The following SLC23A2 variants were observed in gnomAD, a reference collection of about 807,000 sequenced individuals.
The protein encoded by SLC23A2 is solute carrier family 23 member 2, also known as Na(+)/L-ascorbic acid transporter 2.
SLC23A2 carries 36 observed loss-of-function variants against 73.3 expected under a neutral mutation model. The observed-to-expected ratio is 0.49, with a 90% confidence interval of 0.38 to 0.65. The LOEUF is 0.65. SLC23A2 is among the 30% of genes least tolerant of loss of function. The probability of loss-of-function intolerance (pLI) is 0.00; values close to 1 mark genes in which losing one functional copy is unlikely to be tolerated. For missense variants in SLC23A2, 507 were observed against 841.6 expected, an observed-to-expected ratio of 0.60 and a Z score of 4.92; for synonymous variants, 343 against 327.3, an observed-to-expected ratio of 1.05 and a Z score of -0.52.
intron 2 of SLC23A2, among the ~76,000 whole-genome samples, chr20:4,960,592 AGCGCAC>A (rs1451469951): frequency 2.0e-5 from 3 of 152,378 alleles, no homozygotes; most frequent in East Asian, 1.9e-4. Context: ...AGTAGGTTGT[AGCGCAC>A]GCGCACACGC....
chr20:4,901,253 C>T (rs1287308906), intron 5 of SLC23A2, among the ~76,000 whole-genome samples: 2 of 151,978 alleles, frequency 1.3e-5, no homozygotes, highest in Non-Finnish European at 2.9e-5. Flanking sequence ...GAGGGAAGGG[C>T]GGGGCAACTG....
At chr20:4,927,118 C>T (rs73064480) in intron 3 of SLC23A2, among the ~76,000 whole-genome samples, 2,759 of 152,064 alleles carry the variant, frequency 0.018, 38 homozygotes, top group Non-Finnish European at 0.025. Context: ...GATGGGCTAG[C>T]CACTAGCCAC....
chr20:4,913,128 A>T (rs748708821), intron 3 of SLC23A2, 150 bp from the exon 4 acceptor site: 5 of 622,716 alleles, frequency 8.0e-6, no homozygotes, highest in Non-Finnish European at 1.4e-5. Context: ...AGGCTGCCTT[A>T]GCAGAAGGCT....
intron 1 of SLC23A2, among the ~76,000 whole-genome samples, chr20:5,007,844 A>G (rs2088207493): frequency 6.6e-6 from 1 of 152,122 alleles, no homozygotes; most frequent in Non-Finnish European, 1.5e-5. Context: ...AGGTTCAACT[A>G]CATTGTAGTG....
At chr20:4,955,091 A>T (rs997919063) in intron 2 of SLC23A2, among the ~76,000 whole-genome samples, 4 of 152,000 alleles carry the variant, frequency 2.6e-5, no homozygotes, top group South Asian at 2.1e-4. Context: ...TAAAAAAAAA[A>T]TTATTTTTTT....
chr20:4,992,530 C>T (rs1415685958), intron 1 of SLC23A2, among the ~76,000 whole-genome samples: 3 of 101,554 alleles, frequency 3.0e-5, no homozygotes, highest in East Asian at 2.8e-4. Context: ...TTTTTGGAGA[C>T]GGAGTTTTTC....
Position 4,853,624 on chromosome 20 carries a change from G to A in SLC23A2, c.*3348C>T, listed in dbSNP as rs1929604692. On this transcript the variant is annotated 3_prime_UTR_variant, in exon 17 of 17. Transcript: ENST00000338244. ...TTATCCTGGGTAGAAATGTTATTTT[G>A]CTATATGGAAATACTGCAATATTCA... 1 of 152,522 alleles carries A rather than the reference G, an allele frequency of 6.6e-6. No individual in the cohort carries two copies. Among genetic ancestry groups the A allele is most frequent in the African/African-American group, 2.4e-5 (1 of 41,400 alleles). 9.4% of individuals were successfully genotyped at this position (152,522 alleles called of 1,614,324 possible). A position where few individuals can be genotyped will look rare whatever the true frequency, so the allele number is the denominator to read the frequency against.
At chr20:5,006,283 G>A (rs532891046), upstream of SLC23A2, among the ~76,000 whole-genome samples, 36 of 151,766 alleles carry the variant, frequency 2.4e-4, no homozygotes, top group Admixed American at 3.9e-4. Context: ...ATTTTTAGTA[G>A]AGACAGGGTT....
intron 1 of SLC23A2, among the ~76,000 whole-genome samples, chr20:4,975,531 C>T (rs1291430234): frequency 2.7e-5 from 4 of 150,912 alleles, no homozygotes; most frequent in Non-Finnish European, 5.9e-5. Flanking sequence ...CGTGCACGCA[C>T]CACCACGCCT....
At chr20:4,981,950 C>G (rs1021260525) in intron 1 of SLC23A2, among the ~76,000 whole-genome samples, 1 of 152,076 alleles carries the variant, frequency 6.6e-6, no homozygotes, top group African/African-American at 2.4e-5. Context: ...ATCTGCCCAC[C>G]TCGGCCTCCC....
rs755226625 is a variant in SLC23A2 at position 4,947,265 on chromosome 20, C to T, written c.-154-14549G>A. Among the ~76,000 whole-genome samples, 11 of 152,122 alleles carry T rather than the reference C, an allele frequency of 7.2e-5. No individual in the cohort carries two copies. Among genetic ancestry groups the T allele is most frequent in the Non-Finnish European group, 1.5e-4 (10 of 68,022 alleles). On this transcript the variant is annotated intron_variant, in intron 2 of 16. Transcript: ENST00000338244. The surrounding 1 kb of genome is among the most constrained non-coding windows in gnomAD (Gnocchi z 4.4). ...AAATCCCTGACTCGTTCAGGGAAAT[C>T]TTGTGGCTGGGACGTGAAAGGGGAA...
chr20:4,874,479 C>T, intron 10 of SLC23A2, 97 bp downstream of exon 10: 1 of 1,162,284 alleles, frequency 8.6e-7, no homozygotes, highest in Non-Finnish European at 1.2e-6. Flanking sequence ...GATATGATCC[C>T]CCAAGGAGGG....
At chr20:4,942,160 A>C (rs1377854848) in intron 2 of SLC23A2, among the ~76,000 whole-genome samples, 1 of 152,188 alleles carries the variant, frequency 6.6e-6, no homozygotes, top group East Asian at 1.9e-4. Flanking sequence ...TAATGCAAGC[A>C]AATCAATTCA....
At chr20:4,890,172 C>G (rs1230811328) in intron 6 of SLC23A2, among the ~76,000 whole-genome samples, 2 of 152,158 alleles carry the variant, frequency 1.3e-5, no homozygotes, top group Non-Finnish European at 2.9e-5. Context: ...GCCTGGCTTC[C>G]TTCATCTACC....
chr20:4,973,872 T>C (rs2087603274), intron 1 of SLC23A2, among the ~76,000 whole-genome samples: 1 of 152,146 alleles, frequency 6.6e-6, no homozygotes, highest in African/African-American at 2.4e-5. Context: ...GCTTCTTAAT[T>C]AGGATGTGCA....
upstream of SLC23A2, among the ~76,000 whole-genome samples, chr20:5,003,241 G>A (rs2088151365): frequency 2.0e-5 from 3 of 151,972 alleles, no homozygotes; most frequent in African/African-American, 2.4e-5. Flanking sequence ...AAAATTAGCC[G>A]GGCGTGGTGG....
rs1932753275 is a variant in SLC23A2, at chr20:4,928,852, C to T, written c.108+3603G>A. 7.2e-5 allele frequency among the ~76,000 whole-genome samples: 11 copies of T among 152,300 alleles called. No homozygotes were observed. In the South Asian group the frequency reaches 2.3e-3, roughly 32 times the overall value. On this transcript the variant is annotated intron_variant, in intron 3 of 16. Coordinates refer to ENST00000338244, the MANE Select transcript of SLC23A2 (RefSeq NM_005116.6). ...CTTAGGTTGGATCTGGAAATTAATGCTGTGAGCAGTATTCCTTCCCAACCC... is the reference window on the plus strand; with the variant it reads ...CTTAGGTTGGATCTGGAAATTAATGTTGTGAGCAGTATTCCTTCCCAACCC...
intron 2 of SLC23A2, among the ~76,000 whole-genome samples, chr20:4,940,337 G>A (rs914666448): frequency 6.6e-6 from 1 of 151,896 alleles, no homozygotes; most frequent in Non-Finnish European, 1.5e-5. Context: ...ATAATAATAA[G>A]CAAGGATAGC....
chr20:4,946,873 C>T (rs1430450374), intron 2 of SLC23A2, among the ~76,000 whole-genome samples: 3 of 152,098 alleles, frequency 2.0e-5, no homozygotes, highest in East Asian at 1.9e-4. Flanking sequence ...CAAAGTCATC[C>T]GCAGTCTTTC....
Sources: allele counts gnomAD v4.1 joint callset (sites outside exome capture counted in the v4.1 genomes callset), GRCh38; gene constraint gnomAD v4.1.1; non-coding constraint Gnocchi (gnomAD v3.1); transcripts MANE v1.5; gene names NCBI Gene and HGNC (gene_info 2026-07-23, HGNC 2026-07-21).